Variants in MAP3K5 observed in about 807,000 individuals in gnomAD.
MAP3K5 encodes the protein ASK-1.
In MAP3K5, 56 loss-of-function variants were observed where a neutral mutation model predicts 158.7. The observed-to-expected ratio is 0.35, with a 90% confidence interval of 0.28 to 0.44. MAP3K5 has a LOEUF of 0.44. MAP3K5 is among the 20% of genes least tolerant of loss of function. The pLI is 1.00. For synonymous variants in MAP3K5, 579 were observed against 601.7 expected (o/e 0.96, Z 0.55); for missense variants, 1,294 against 1,674.8 (o/e 0.77, Z 3.97).
At chr6:136,678,775 G>A (rs543650983) in intron 7 of MAP3K5, among the ~76,000 whole-genome samples, 4 of 151,256 alleles carry the variant, frequency 2.6e-5, no homozygotes, top group African/African-American at 9.7e-5. Flanking sequence ...GTCCAGGCTA[G>A]AGTGCAATGG....
chr6:136,564,951 G>T (rs139088827), intron 26 of MAP3K5, among the ~76,000 whole-genome samples: 1 of 152,270 alleles, frequency 6.6e-6, no homozygotes, highest in East Asian at 1.9e-4. Context: ...ATTTCTGTAC[G>T]TCACTTTACT....
intron 8 of MAP3K5, among the ~76,000 whole-genome samples, chr6:136,659,880 T>C (rs1280042166): frequency 6.6e-6 from 1 of 152,168 alleles, no homozygotes; most frequent in Non-Finnish European, 1.5e-5. Flanking sequence ...GTACATTTTA[T>C]CACAATAAAA....
In MAP3K5 at chr6:136,630,065, T is replaced by C. The variant is rs77619435; in HGVS notation, c.2017-7084A>G. On this transcript the variant is annotated intron_variant, in intron 14 of 29. Coordinates refer to ENST00000359015, the MANE Select transcript of MAP3K5 (RefSeq NM_005923.4). ...CACACCCGGCCTAAATCTTACCTTC[T>C]TAATGAGCTTCCCAGGCCTTCCTAT... is the stretch of plus-strand genomic sequence containing the variant. Among the ~76,000 whole-genome samples the C allele has an allele frequency of 0.014, 2,076 of 152,238 alleles. 119 individuals carry two copies. In the East Asian group the frequency reaches 0.15, roughly 11 times the overall value.
chr6:136,601,815 T>G lies in MAP3K5; in HGVS notation c.2844A>C (p.Gln948His), dbSNP rs1180400865. 6.2e-7 allele frequency: 1 copy of G among 1,614,072 alleles called. No individual in the cohort carries two copies. The highest frequency in any genetic ancestry group is 8.5e-7 in the Non-Finnish European group (1 of 1,179,986). Reference protein sequence around the residue: ...LKVSSKKKKTQPKLSALSAGS... With the variant: ...LKVSSKKKKTHPKLSALSAGS... ...GCAACCACATACCTGAAAGCTTAGG[T>G]TGTGTCTTTTTCTTTTTGCTTGAAA... Residue 948 changes from glutamine (Q) to histidine (H), a missense_variant, in exon 20 of 30, where the codon CAA becomes CAC. Gln to His is a conservative substitution (Grantham distance 24). Around this residue, in one of 5 missense-constraint regions of MAP3K5, gnomAD observed 362 missense variants for 463.2 expected, o/e 0.78. Coordinates refer to ENST00000359015, the MANE Select transcript of MAP3K5 (RefSeq NM_005923.4).
At chr6:136,601,088 T>C in intron 20 of MAP3K5, 46 bp from the exon 21 acceptor site, 1 of 1,607,432 alleles carries the variant, frequency 6.2e-7, no homozygotes, top group Non-Finnish European at 8.5e-7. Context: ...CGTGCTGGGT[T>C]TGTTGTTAAA....
chr6:136,635,104 A>C (rs539597516), intron 14 of MAP3K5, among the ~76,000 whole-genome samples: 2 of 151,802 alleles, frequency 1.3e-5, no homozygotes, highest in Admixed American at 6.6e-5. Flanking sequence ...GAGGGCATGA[A>C]ACAAAGGATA....
At chr6:136,567,575 T>C (rs1389698728) in intron 26 of MAP3K5, 56 bp downstream of exon 26, 6 of 1,532,012 alleles carry the variant, frequency 3.9e-6, no homozygotes, top group Non-Finnish European at 5.3e-6. Flanking sequence ...CAAAAACACA[T>C]GCTCTTTAGT....
intron 1 of MAP3K5, among the ~76,000 whole-genome samples, chr6:136,748,855 G>C (rs1562669985): frequency 6.6e-6 from 1 of 152,194 alleles, no homozygotes; most frequent in South Asian, 2.1e-4. Flanking sequence ...ACTGACTAAG[G>C]CTCTTGGATA....
chr6:136,658,902 C>G (rs1778883643), intron 9 of MAP3K5, among the ~76,000 whole-genome samples: 5 of 152,098 alleles, frequency 3.3e-5, no homozygotes, highest in Admixed American at 3.3e-4. Flanking sequence ...GGTCTCAGGC[C>G]CCGAACATAA....
At chr6:136,665,982 C>G (rs924629308) in intron 8 of MAP3K5, among the ~76,000 whole-genome samples, 1 of 152,156 alleles carries the variant, frequency 6.6e-6, no homozygotes, top group African/African-American at 2.4e-5. Flanking sequence ...ACTCAAACCT[C>G]TAAGTCTGAC....
chr6:136,699,957 G>A (rs1264352714), intron 3 of MAP3K5, among the ~76,000 whole-genome samples: 2 of 152,054 alleles, frequency 1.3e-5, no homozygotes, highest in East Asian at 1.9e-4. Context: ...ATCCAGGTGG[G>A]GTGGTGCACG....
intron 1 of MAP3K5, among the ~76,000 whole-genome samples, chr6:136,759,732 T>C (rs867650247): frequency 1.3e-5 from 2 of 150,406 alleles, no homozygotes; most frequent in South Asian, 2.1e-4. Context: ...CTCAGGATTA[T>C]AGGTGTGAGC....
chr6:136,738,243 T>A (rs1183236901), intron 1 of MAP3K5, among the ~76,000 whole-genome samples: 4 of 152,184 alleles, frequency 2.6e-5, no homozygotes, highest in Admixed American at 2.0e-4. Context: ...ACTAAATGCA[T>A]CCTCTCCTGT....
chr6:136,624,860 G>T (rs964220608), intron 14 of MAP3K5, among the ~76,000 whole-genome samples: 1 of 152,090 alleles, frequency 6.6e-6, no homozygotes, highest in African/African-American at 2.4e-5. Context: ...AACAGAAAAA[G>T]AATAACATAT....
In MAP3K5 at chr6:136,557,823, T is replaced by A. The variant is rs1830317897; in HGVS notation, c.4065-5A>T. 2 of 1,601,398 alleles carry A rather than the reference T, an allele frequency of 1.2e-6. No homozygotes were observed. The highest frequency in any genetic ancestry group is 3.3e-5 in the Admixed American group (2 of 59,986). On this transcript the variant is annotated splice_polypyrimidine_tract_variant and splice_region_variant and intron_variant, in intron 29 of 29. Coordinates refer to ENST00000359015, the MANE Select transcript of MAP3K5 (RefSeq NM_005923.4). ...AGTGTGCACAGCATCCCTCCCCTGT[T>A]TAAAGACACAAGAACATGGTGAAAC...
At position 136,557,580 on chromosome 6, in the gene MAP3K5, G is replaced by T. The variant is rs1830305034; in HGVS notation, c.*178C>A. 5 of 549,078 alleles carry T rather than the reference G, an allele frequency of 9.1e-6. No homozygotes were observed. In the East Asian group the frequency reaches 1.5e-4, roughly 16 times the overall value. 34.0% of individuals were successfully genotyped at this position (549,078 alleles called of 1,614,324 possible). A position where few individuals can be genotyped will look rare whatever the true frequency, so the allele number is the denominator to read the frequency against. On this transcript the variant is annotated 3_prime_UTR_variant, in exon 30 of 30. Coordinates refer to ENST00000359015, the MANE Select transcript of MAP3K5 (RefSeq NM_005923.4). The stretch of plus-strand genomic sequence containing the variant: ...AGAGTCCTTAAAAATTATAGAAATA[G>T]ATGTAGTTAGGAAATTTCAGTGTGT...
At chr6:136,596,073 AC>A (rs35143560) in intron 21 of MAP3K5, among the ~76,000 whole-genome samples, 11,491 of 152,178 alleles carry the variant, frequency 0.076, 897 homozygotes, top group East Asian at 0.25. Flanking sequence ...TCAGCAGCCT[AC>A]CTGGCTGGAG....
intron 23 of MAP3K5, 63 bp from the exon 24 acceptor site, chr6:136,583,803 C>G: frequency 6.9e-7 from 1 of 1,455,646 alleles, no homozygotes; most frequent in South Asian, 1.2e-5. Context: ...CATGGTAATC[C>G]TATCTCCATA....
At chr6:136,648,154 T>G (rs576545483) in intron 11 of MAP3K5, among the ~76,000 whole-genome samples, 49 of 152,348 alleles carry the variant, frequency 3.2e-4, no homozygotes, top group African/African-American at 1.1e-3. Flanking sequence ...CAAAGTCCTT[T>G]GGCAAGGAAG....
Sources: allele counts gnomAD v4.1 joint callset (sites outside exome capture counted in the v4.1 genomes callset), GRCh38; gene constraint gnomAD v4.1.1; regional missense constraint gnomAD v4.1.1; transcripts MANE v1.5; gene names NCBI Gene and HGNC (gene_info 2026-07-23, HGNC 2026-07-21).